The following ADCK1 variants were observed in gnomAD, a reference collection of about 807,000 sequenced individuals.
ADCK1 encodes aarF domain-containing protein kinase 1.
ADCK1 carries 41 observed loss-of-function variants against 52.3 expected under a neutral mutation model. The ratio of observed to expected loss-of-function variants is 0.78; its 90% CI spans 0.61 to 1.02. ADCK1 has a LOEUF of 1.02. Among genes scored for constraint, ADCK1 ranks in the 50% least tolerant of loss-of-function variants. ADCK1 has a pLI of 0.00. For missense variants in ADCK1, 658 were observed against 679.5 expected (o/e 0.97, Z 0.35); for synonymous variants, 250 against 274.6 (o/e 0.91, Z 0.89).
At chr14:77,840,134 A>G (rs1364094579) in intron 3 of ADCK1, among the ~76,000 whole-genome samples, 1 of 152,098 alleles carries the variant, frequency 6.6e-6, no homozygotes, top group Non-Finnish European at 1.5e-5. Flanking sequence ...TGGAGGTGGC[A>G]GCTACTAATA....
rs755193949 is a variant in ADCK1, at chr14:77,933,220, G to A, written c.1401G>A (p.Glu467=). ...TCCTTTTTTCTTTCCCTTTTTCCAGGCACAAGAAGAAGAATACCTGTTCAT... is the reference window on the plus strand; with the variant it reads ...TCCTTTTTTCTTTCCCTTTTTCCAGACACAAGAAGAAGAATACCTGTTCAT... ...MSRCCIRALA[E]HKKKNTCSFF... is the part of the protein sequence containing the mutation. The change falls in exon 11 of 11, where the codon GAG becomes GAA. Residue 467 remains glutamate (E), a splice_region_variant and synonymous_variant. Coordinates refer to ENST00000238561, the MANE Select transcript of ADCK1 (RefSeq NM_020421.4). 7.5e-6 allele frequency: 12 copies of A among 1,610,090 alleles called. No individual in the cohort carries two copies. The Admixed American group carries it at 1.8e-4, about 25-fold the overall frequency.
chr14:77,847,415 C>T (rs1191478112), intron 3 of ADCK1, among the ~76,000 whole-genome samples: 2 of 152,086 alleles, frequency 1.3e-5, no homozygotes, highest in Non-Finnish European at 2.9e-5. Context: ...TACTAAAATA[C>T]AAAAATTAGC....
At chr14:77,904,856 G>A (rs970889431) in intron 6 of ADCK1, among the ~76,000 whole-genome samples, 1 of 152,082 alleles carries the variant, frequency 6.6e-6, no homozygotes, top group South Asian at 2.1e-4. Context: ...GGGGGAGTGC[G>A]GGGTGCTTAT....
At chr14:77,830,532 A>C (rs1484390590) in intron 3 of ADCK1, among the ~76,000 whole-genome samples, 1 of 150,956 alleles carries the variant, frequency 6.6e-6, no homozygotes, top group Non-Finnish European at 1.5e-5. Context: ...GGTACAAGTG[A>C]TCCTCCCACC....
intron 9 of ADCK1, among the ~76,000 whole-genome samples, chr14:77,930,226 T>A (rs936705990): frequency 6.6e-6 from 1 of 152,190 alleles, no homozygotes; most frequent in African/African-American, 2.4e-5. Flanking sequence ...TGTTCCAGTC[T>A]GATAGTTCCT....
chr14:77,925,881 T>C lies in ADCK1; in HGVS notation c.1126T>C (p.Leu376=). The C allele has an allele frequency of 1.2e-6, 2 of 1,614,216 alleles. No individual in the cohort carries two copies. Among genetic ancestry groups the C allele is most frequent in the Non-Finnish European group, 1.7e-6 (2 of 1,180,034 alleles). ...QRLGAGDLYP[L]FACMLTARSW... ...ACTGGGAGCCGGGGATCTCTACCCC[T>C]TGTTTGCCTGCATGCTGACGGCGCG... Residue 376 remains leucine (L), a synonymous_variant, in exon 9 of 11, where the codon TTG becomes CTG. Coordinates refer to ENST00000238561, the MANE Select transcript of ADCK1 (RefSeq NM_020421.4).
At chr14:77,807,347 C>T (rs1324315399) in intron 1 of ADCK1, among the ~76,000 whole-genome samples, 7 of 151,824 alleles carry the variant, frequency 4.6e-5, no homozygotes, top group Non-Finnish European at 7.4e-5. Flanking sequence ...GGACTACAGG[C>T]GTGAGCCACC....
At chr14:77,818,837 A>C in intron 1 of ADCK1, 131 bp from the exon 2 acceptor site, 1 of 1,068,852 alleles carries the variant, frequency 9.4e-7, no homozygotes, top group Non-Finnish European at 1.3e-6. Flanking sequence ...CAAACGAAGA[A>C]ACTAAGGCTC....
At chr14:77,836,064 C>T (rs2081953290) in intron 3 of ADCK1, among the ~76,000 whole-genome samples, 1 of 152,296 alleles carries the variant, frequency 6.6e-6, no homozygotes. Context: ...GTCATAAGGG[C>T]TCTGCCCTCA....
At chr14:77,851,203 T>C (rs1199313361) in intron 3 of ADCK1, among the ~76,000 whole-genome samples, 2 of 151,364 alleles carry the variant, frequency 1.3e-5, no homozygotes, top group African/African-American at 4.9e-5. Context: ...CTACAACTTC[T>C]GCCTCTTGGG....
chr14:77,892,566 C>T (rs28583578), intron 5 of ADCK1, among the ~76,000 whole-genome samples: 6,439 of 151,640 alleles, frequency 0.042, 275 homozygotes, highest in African/African-American at 0.11. Flanking sequence ...GAGCGAGCAC[C>T]GCACGTAGTC....
chr14:77,818,275 C>T (rs1001457113), intron 1 of ADCK1, among the ~76,000 whole-genome samples: 10 of 151,914 alleles, frequency 6.6e-5, no homozygotes, highest in Non-Finnish European at 1.3e-4. Flanking sequence ...CTCTCCTGAT[C>T]CCTTAGCCCT....
chr14:77,864,906 T>C (rs907370000), intron 4 of ADCK1, among the ~76,000 whole-genome samples: 1 of 152,174 alleles, frequency 6.6e-6, no homozygotes, highest in African/African-American at 2.4e-5. Context: ...CAGTCTATGT[T>C]CTGTTCAGAC....
At chr14:77,910,957 C>G (rs1200219909) in intron 7 of ADCK1, among the ~76,000 whole-genome samples, 1 of 152,162 alleles carries the variant, frequency 6.6e-6, no homozygotes, top group East Asian at 1.9e-4. Context: ...GCCTCACACC[C>G]TAGATTGGCC....
intron 4 of ADCK1, among the ~76,000 whole-genome samples, chr14:77,877,858 G>A (rs2140182943): frequency 6.6e-6 from 1 of 152,224 alleles, no homozygotes; most frequent in Admixed American, 6.5e-5. Flanking sequence ...TTCCTGTCTT[G>A]GCCTTCCAAA....
intron 3 of ADCK1, among the ~76,000 whole-genome samples, chr14:77,852,005 A>AT (rs548879775): frequency 0.038 from 5,602 of 147,014 alleles, 143 homozygotes; most frequent in South Asian, 0.067. Flanking sequence ...TATTTATTTA[A>AT]TTTTTTTTTT....
chr14:77,848,609 G>A (rs11624543), intron 3 of ADCK1, among the ~76,000 whole-genome samples: 8,229 of 152,076 alleles, frequency 0.054, 309 homozygotes, highest in Middle Eastern at 0.092. Context: ...GGGATTATTG[G>A]CACGTGCCAC....
chr14:77,858,924 A>C, intron 3 of ADCK1, 152 bp from the exon 4 acceptor site: 1 of 647,226 alleles, frequency 1.5e-6, no homozygotes, highest in Non-Finnish European at 2.5e-6. Flanking sequence ...CACCAAGGGA[A>C]AAGGTGTGTG....
intron 1 of ADCK1, among the ~76,000 whole-genome samples, chr14:77,812,726 A>C (rs2081360930): frequency 6.6e-6 from 1 of 151,992 alleles, no homozygotes; most frequent in Non-Finnish European, 1.5e-5. Flanking sequence ...AGTAGCTGGA[A>C]TTACAGGAGT....
Sources: allele counts gnomAD v4.1 joint callset (sites outside exome capture counted in the v4.1 genomes callset), GRCh38; gene constraint gnomAD v4.1.1; transcripts MANE v1.5; gene names NCBI Gene and HGNC (gene_info 2026-07-23, HGNC 2026-07-21).